MISP: variants seen among roughly 807,000 people sequenced by gnomAD.
MISP encodes mitotic interactor and substrate of PLK1.
A neutral mutation model predicts 49.3 loss-of-function variants in MISP; 51 were observed. The ratio of observed to expected loss-of-function variants is 1.03; its 90% confidence interval spans 0.83 to 1.31. The LOEUF (loss-of-function observed/expected upper bound fraction) is 1.31. Among genes scored for constraint, MISP ranks in the 50% most tolerant of loss-of-function variants. MISP has a pLI of 0.00. For missense variants in MISP, 1,084 were observed against 935.1 expected (o/e 1.16, Z -2.08); for synonymous variants, 444 against 392.6 (o/e 1.13, Z -1.55).
At chr19:760,463 T>G (rs1034170991) in intron 3 of MISP, 1 of 159,952 alleles carries the variant, frequency 6.3e-6, no homozygotes, top group Non-Finnish European at 1.3e-5. Context: ...CCTCCCGGGT[T>G]GAAGTGATTC....
chr19:761,765 C>A, intron 4 of MISP, 102 bp downstream of exon 4: 1 of 1,269,170 alleles, frequency 7.9e-7, no homozygotes, highest in South Asian at 1.2e-5. Context: ...GTGTGGGGAT[C>A]GTATTGGGTG....
chr19:753,286 G>C (rs935623751), intron 1 of MISP, among the ~76,000 whole-genome samples: 20 of 152,122 alleles, frequency 1.3e-4, no homozygotes, highest in African/African-American at 4.6e-4. Context: ...GACACATTGC[G>C]TGTAGTTTCA....
chr19:751,298 C>T (rs1345186555), intron 1 of MISP, 127 bp downstream of exon 1: 1 of 152,268 alleles, frequency 6.6e-6, no homozygotes, highest in Non-Finnish European at 1.5e-5. Flanking sequence ...ACTTGGGATC[C>T]AGGGAGGCCC....
chr19:751,432 C>T lies in MISP; in HGVS notation c.-58+261C>T, dbSNP rs574164705. Among the ~76,000 whole-genome samples, 164 of 152,316 alleles carry T rather than the reference C, an allele frequency of 1.1e-3. 1 individual carries two copies. Among genetic ancestry groups the T allele is most frequent in the African/African-American group, 3.8e-3 (158 of 41,582 alleles). On this transcript the variant is annotated intron_variant, in intron 1 of 4. Transcript: ENST00000215582. ...GAGAGGCCCTTGTCCCTGAACTCTG[C>T]TGGGGCTTTTGAACCCCAAATCCCA...
intron 1 of MISP, among the ~76,000 whole-genome samples, chr19:754,289 C>A (rs2033509042): frequency 6.6e-6 from 1 of 152,166 alleles, no homozygotes; most frequent in Non-Finnish European, 1.5e-5. Flanking sequence ...ATGGTGAAAC[C>A]CCGTCTCTAC....
At chr19:753,278 C>A (rs1476659764) in intron 1 of MISP, among the ~76,000 whole-genome samples, 1 of 152,190 alleles carries the variant, frequency 6.6e-6, no homozygotes, top group Non-Finnish European at 1.5e-5. Context: ...GATTGCATGA[C>A]ACATTGCGTG....
intron 2 of MISP, among the ~76,000 whole-genome samples, chr19:759,082 G>A (rs1394705964): frequency 3.4e-4 from 51 of 152,044 alleles, no homozygotes; most frequent in Non-Finnish European, 6.8e-4. Flanking sequence ...GGAGTGCAGT[G>A]GCAGGATCTC....
At chr19:748,714 TG>T (rs1332361269), upstream of MISP, among the ~76,000 whole-genome samples, 2 of 152,132 alleles carry the variant, frequency 1.3e-5, no homozygotes, top group African/African-American at 2.4e-5. Context: ...ACAGGAGGCC[TG>T]GGGAGGAGGT....
intron 3 of MISP, 75 bp downstream of exon 3, chr19:760,114 G>A: frequency 6.3e-7 from 1 of 1,578,046 alleles, no homozygotes; most frequent in Non-Finnish European, 8.6e-7. Context: ...GGAAGTTCAA[G>A]CAGGACTCAA....
chr19:752,268 C>T (rs1451724857), intron 1 of MISP, among the ~76,000 whole-genome samples: 2 of 152,156 alleles, frequency 1.3e-5, no homozygotes, highest in African/African-American at 2.4e-5. Flanking sequence ...GCTCTTCCCC[C>T]GAGGGCAGCG....
At position 759,909 on chromosome 19, in the gene MISP, G is replaced by A; in HGVS notation, c.1781G>A (p.Gly594Asp). Reference protein sequence around the residue: ...QNSRSSSQASGITGSYSVSES... With the variant: ...QNSRSSSQASDITGSYSVSES... ...TTCTGCCCTCCCTGCTCCCCTACAG[G>A]CATCACGGGCAGTTACTCGGTGTCT... is the stretch of plus-strand genomic sequence containing the variant. Residue 594 changes from glycine (G) to aspartate (D), a missense_variant and splice_region_variant, in exon 3 of 5, where the codon GGC (glycine) becomes GAC (aspartate). Physicochemically the swap from Gly to Asp is moderately conservative, Grantham distance 94. Coordinates refer to ENST00000215582, the MANE Select transcript of MISP (RefSeq NM_173481.4). 6.2e-7 allele frequency: 1 copy of A among 1,613,972 alleles called. No individual in the cohort carries two copies. The highest frequency in any genetic ancestry group is 1.1e-5 in the South Asian group (1 of 91,082).
intron 3 of MISP, among the ~76,000 whole-genome samples, chr19:761,183 G>A (rs537299793): frequency 1.6e-4 from 23 of 139,526 alleles, no homozygotes; most frequent in African/African-American, 4.8e-4. Context: ...TCTGCCTCCC[G>A]GGTTCAAGCG....
chr19:762,747 C>A (rs1416525011), intron 4 of MISP, among the ~76,000 whole-genome samples: 1 of 152,096 alleles, frequency 6.6e-6, no homozygotes, highest in Non-Finnish European at 1.5e-5. Flanking sequence ...CAACCTTGAC[C>A]TCCTGGGCTC....
At chr19:752,393 G>A (rs561599165) in intron 1 of MISP, among the ~76,000 whole-genome samples, 5 of 152,206 alleles carry the variant, frequency 3.3e-5, no homozygotes, top group Admixed American at 1.3e-4. Context: ...GCGTGGTGGC[G>A]GGCGCCTGTA....
chr19:760,364 CTTTT>C (rs34363064), intron 3 of MISP: 110 of 129,652 alleles, frequency 8.5e-4, no homozygotes, highest in South Asian at 2.1e-3. Flanking sequence ...GCATTAGTTT[CTTTT>C]TTTTTTTTTT....
intron 1 of MISP, among the ~76,000 whole-genome samples, chr19:753,390 T>C (rs1291391443): frequency 1.4e-5 from 2 of 138,004 alleles, no homozygotes; most frequent in Non-Finnish European, 3.1e-5. Flanking sequence ...TCTTTTTTTC[T>C]TTTTTTTTTT....
At chr19:760,458 C>A (rs563876227) in intron 3 of MISP, 1 of 160,034 alleles carries the variant, frequency 6.2e-6, no homozygotes, top group Non-Finnish European at 1.4e-5. Flanking sequence ...CTCCACCTCC[C>A]GGGTTGAAGT....
chr19:758,114 C>T lies in MISP; in HGVS notation c.1168C>T (p.Arg390Trp), dbSNP rs151311263. 9.0e-5 allele frequency: 145 copies of T among 1,603,098 alleles called. No individual in the cohort carries two copies. The highest frequency in any genetic ancestry group is 7.6e-4 in the Admixed American group (45 of 59,238). ...WVSEGPQPGL[R>W]RALSSDSILS... is the part of the protein sequence containing the mutation. ...CTCGGAGGGTCCCCAGCCCGGACTCCGGAGAGCCCTCAGCTCAGATTCCAT... is the reference window on the plus strand; with the variant it reads ...CTCGGAGGGTCCCCAGCCCGGACTCTGGAGAGCCCTCAGCTCAGATTCCAT... The change falls in exon 2 of 5, where the codon CGG becomes TGG. Residue 390 changes from arginine (R) to tryptophan (W), a missense_variant. By Grantham distance (101) the Arg-to-Trp change is moderately radical (BLOSUM62 -3). Coordinates refer to ENST00000215582, the MANE Select transcript of MISP (RefSeq NM_173481.4).
At chr19:762,286 T>A (rs940869233) in intron 4 of MISP, among the ~76,000 whole-genome samples, 1 of 149,470 alleles carries the variant, frequency 6.7e-6, no homozygotes, top group African/African-American at 2.5e-5. Flanking sequence ...GGAGTCTCGC[T>A]CTGTTGCCCA....
Sources: gnomAD v4.1 joint callset for allele counts (sites outside exome capture counted in the v4.1 genomes callset) on GRCh38, gnomAD v4.1.1 for gene constraint, MANE v1.5 for transcripts, NCBI Gene and HGNC (gene_info 2026-07-23, HGNC 2026-07-21) for gene names.